RAPGEF2: variants seen among roughly 807,000 people sequenced by gnomAD.
The protein encoded by RAPGEF2 is PDZ domain containing guanine nucleotide exchange factor (GEF) 1.
A neutral mutation model predicts 186.7 loss-of-function variants in RAPGEF2; 54 were observed. The ratio of observed to expected loss-of-function variants is 0.29; its 90% CI spans 0.23 to 0.36. The LOEUF is 0.36. RAPGEF2 is among the 10% of genes least tolerant of loss of function. RAPGEF2 has a pLI of 1.00. For synonymous variants in RAPGEF2, 712 were observed against 705.9 expected (o/e 1.01, Z -0.14); for missense variants, 1,532 against 2,045.0 (o/e 0.75, Z 4.84).
In RAPGEF2 at chr4:159,350,147, T is replaced by C; in HGVS notation, c.3723T>C (p.Ser1241=). The C allele has an allele frequency of 1.3e-6, 2 of 1,563,570 alleles. No individual in the cohort carries two copies. Among genetic ancestry groups the C allele is most frequent in the Non-Finnish European group, 1.7e-6 (2 of 1,153,270 alleles). ...TTTTTTCCATTATAGGCATAAACTCTCCACAAGCTTTAAAAAAAATTCTTT... is the reference window on the plus strand; with the variant it reads ...TTTTTTCCATTATAGGCATAAACTCCCCACAAGCTTTAAAAAAAATTCTTT... ...VKDLPPFGIN[S]PQALKKILSL... is the part of the protein sequence containing the mutation. The change falls in exon 26 of 30, where the codon TCT becomes TCC. Residue 1241 remains serine (S), a synonymous_variant. Coordinates refer to ENST00000691494, the MANE Select transcript of RAPGEF2 (RefSeq NM_001394067.2).
intron 3 of RAPGEF2, among the ~76,000 whole-genome samples, chr4:159,205,868 C>G (rs927569831): frequency 6.6e-6 from 1 of 152,072 alleles, no homozygotes; most frequent in Non-Finnish European, 1.5e-5. Flanking sequence ...TGAGAACCGA[C>G]ACATACACTT....
chr4:159,223,917 G>A (rs912939082), intron 4 of RAPGEF2, among the ~76,000 whole-genome samples: 1 of 129,952 alleles, frequency 7.7e-6, no homozygotes, highest in Non-Finnish European at 1.7e-5. Flanking sequence ...TTTTTTTTTT[G>A]AGACAGAGTC....
At chr4:159,259,025 T>C (rs1485051743) in intron 7 of RAPGEF2, among the ~76,000 whole-genome samples, 2 of 152,178 alleles carry the variant, frequency 1.3e-5, no homozygotes, top group Admixed American at 6.5e-5. Flanking sequence ...TACTGATGTG[T>C]TTTGTCAATG....
At chr4:159,293,536 T>G (rs1761517627) in intron 7 of RAPGEF2, among the ~76,000 whole-genome samples, 1 of 152,244 alleles carries the variant, frequency 6.6e-6, no homozygotes, top group Non-Finnish European at 1.5e-5. Flanking sequence ...TGAAATAGGA[T>G]GTTATCAGTG....
At chr4:159,175,293 ATAAT>A in intron 1 of RAPGEF2, among the ~76,000 whole-genome samples, 1 of 138,682 alleles carries the variant, frequency 7.2e-6, no homozygotes, top group East Asian at 4.1e-4. Flanking sequence ...CTCTAAAATA[ATAAT>A]TTTTTTTTTG....
rs1560964986 is a variant in RAPGEF2 at position 159,104,540 on chromosome 4, G to GGGAGAGAC, written c.69+309_69+310insGGAGAGAC. On this transcript the variant is annotated intron_variant, in intron 1 of 29. Coordinates refer to ENST00000691494, the MANE Select transcript of RAPGEF2 (RefSeq NM_001394067.2). ...AGAGAGAGAGAGGGAGAGACAGAGA[G>GGGAGAGAC]AGAGAGAGAGAGAGTGTGTGTGTGT... Among the ~76,000 whole-genome samples the GGGAGAGAC allele has an allele frequency of 5.5e-4, 70 of 128,246 alleles. 1 individual carries two copies. Among genetic ancestry groups the GGGAGAGAC allele is most frequent in the African/African-American group, 2.3e-3 (68 of 29,912 alleles). 84.1% of individuals were successfully genotyped at this position (128,246 alleles called of 152,430 possible).
intron 7 of RAPGEF2, among the ~76,000 whole-genome samples, chr4:159,273,646 CTTTCTTTCTTTCTT>C (rs1397939619): frequency 3.0e-5 from 4 of 132,916 alleles, no homozygotes; most frequent in African/African-American, 1.2e-4. Context: ...TTCTTTCTTT[CTTTCTTTCTTTCTT>C]TCTTTCTTTC....
rs1412158095 is a variant in RAPGEF2, at chr4:159,343,109, G to A, written c.3049G>A (p.Val1017Ile). Residue 1017 changes from valine to isoleucine, a missense_variant, in exon 21 of 30, where the codon GTT (valine) becomes ATT (isoleucine). Around this residue, in one of 4 missense-constraint regions of RAPGEF2, gnomAD observed 11 missense variants for 45.2 expected, o/e 0.24. Coordinates refer to ENST00000691494, the MANE Select transcript of RAPGEF2 (RefSeq NM_001394067.2). Reference sequence around the variant, plus strand: ...CAGAAACATGGCAAAATATCGTAATGTTCTCAATAGTCAAAATCTACAACC... The same window carrying A: ...CAGAAACATGGCAAAATATCGTAATATTCTCAATAGTCAAAATCTACAACC... ...PSRNMAKYRN[V>I]LNSQNLQPPI... The A allele has an allele frequency of 3.1e-6, 5 of 1,613,946 alleles. No individual in the cohort carries two copies. The African/African-American group carries it at 5.3e-5, about 17-fold the overall frequency.
chr4:159,240,584 C>T lies in RAPGEF2; in HGVS notation c.358-617C>T, dbSNP rs529102158. On this transcript the variant is annotated intron_variant, in intron 5 of 29. Coordinates refer to ENST00000691494, the MANE Select transcript of RAPGEF2 (RefSeq NM_001394067.2). ...TCCTGACCTCGTGATCCACCCGCCT[C>T]GGCCTCCCAAAGTGCTGGGATTACA... Among the ~76,000 whole-genome samples, 13 of 151,996 alleles carry T rather than the reference C, an allele frequency of 8.6e-5. No homozygotes were observed. In the East Asian group the frequency reaches 1.2e-3, roughly 14 times the overall value.
intron 7 of RAPGEF2, among the ~76,000 whole-genome samples, chr4:159,275,005 T>C (rs1442363416): frequency 6.6e-6 from 1 of 151,646 alleles, no homozygotes; most frequent in Admixed American, 6.6e-5. Context: ...TCTTCTTAAC[T>C]GAACCCCTAA....
At position 159,191,203 on chromosome 4, in the gene RAPGEF2, G is replaced by GA. The variant is rs34566825; in HGVS notation, c.141-1987dup. Among the ~76,000 whole-genome samples, 659 of 148,980 alleles carry GA rather than the reference G, an allele frequency of 4.4e-3. 13 individuals are homozygous for GA. Among genetic ancestry groups the GA allele is most frequent in the African/African-American group, 6.6e-3 (269 of 40,474 alleles). Reference sequence around the variant, plus strand: ...AGTTGGGGAGCATCCAAAAGAGACAGAAAAAAAAAATGACTAGTAAGTTAA... The same window carrying GA: ...AGTTGGGGAGCATCCAAAAGAGACAGAAAAAAAAAAATGACTAGTAAGTTAA... On this transcript the variant is annotated intron_variant, in intron 2 of 29. Coordinates refer to ENST00000691494, the MANE Select transcript of RAPGEF2 (RefSeq NM_001394067.2).
intron 1 of RAPGEF2, among the ~76,000 whole-genome samples, chr4:159,104,545 A>AGG (rs1560965061): frequency 8.5e-5 from 11 of 129,370 alleles, no homozygotes; most frequent in African/African-American, 3.5e-4. Flanking sequence ...AGAGAGAGAG[A>AGG]GAGAGAGAGT....
chr4:159,295,746 TGTGTGTGTGC>T (rs745572469), intron 7 of RAPGEF2, among the ~76,000 whole-genome samples: 4,488 of 125,498 alleles, frequency 0.036, 96 homozygotes, highest in South Asian at 0.061. Context: ...TGTGTGTGTG[TGTGTGTGTGC>T]GCGCGCGCGC....
chr4:159,228,162 G>A (rs1752232583), intron 4 of RAPGEF2: 1 of 152,266 alleles, frequency 6.6e-6, no homozygotes, highest in Non-Finnish European at 1.5e-5. Flanking sequence ...AGGAGAGGTG[G>A]GTGGGTCATT....
At chr4:159,180,863 A>G (rs961366159) in intron 1 of RAPGEF2, among the ~76,000 whole-genome samples, 1 of 152,216 alleles carries the variant, frequency 6.6e-6, no homozygotes, top group Admixed American at 6.5e-5. Flanking sequence ...CAGGCTCAGT[A>G]ACAATTTCCT....
chr4:159,286,569 G>GA (rs967874434), intron 7 of RAPGEF2, among the ~76,000 whole-genome samples: 22 of 152,192 alleles, frequency 1.4e-4, no homozygotes, highest in African/African-American at 5.3e-4. Flanking sequence ...ACTCCCTGGA[G>GA]AACTATGCAT....
chr4:159,279,934 C>G (rs1169112661), intron 7 of RAPGEF2, among the ~76,000 whole-genome samples: 1 of 152,122 alleles, frequency 6.6e-6, no homozygotes, highest in Non-Finnish European at 1.5e-5. Flanking sequence ...ATCTGCCCGC[C>G]TCGGCCTCCC....
Position 159,322,404 on chromosome 4 carries a change from T to G in RAPGEF2, c.911T>G (p.Val304Gly). The part of the protein sequence containing the change: ...LPAFANMTMS[V>G]RRELCAVMVF... ...GCTTTTGCCAATATGACAATGTCAG[T>G]GAGGCGAGAACTCTGTGCTGTGATG... is the stretch of plus-strand genomic sequence containing the variant. The change falls in exon 10 of 30, where the codon GTG becomes GGG. Residue 304 changes from valine (V) to glycine (G), a missense_variant. Coordinates refer to ENST00000691494, the MANE Select transcript of RAPGEF2 (RefSeq NM_001394067.2). The G allele has an allele frequency of 1.2e-6, 2 of 1,613,952 alleles. No homozygotes were observed. Among genetic ancestry groups the G allele is most frequent in the Non-Finnish European group, 1.7e-6 (2 of 1,179,876 alleles).
At chr4:159,305,239 C>T (rs1374903706) in intron 8 of RAPGEF2, among the ~76,000 whole-genome samples, 1 of 152,066 alleles carries the variant, frequency 6.6e-6, no homozygotes, top group African/African-American at 2.4e-5. Context: ...ATTTTTAGTT[C>T]TTGGAGAAAT....
Sources: allele counts gnomAD v4.1 joint callset (sites outside exome capture counted in the v4.1 genomes callset), GRCh38; gene constraint gnomAD v4.1.1; regional missense constraint gnomAD v4.1.1; transcripts MANE v1.5; gene names NCBI Gene and HGNC (gene_info 2026-07-23, HGNC 2026-07-21).